KIF20B: variants seen among roughly 807,000 people sequenced by gnomAD.
KIF20B encodes the protein kinesin family member 20B, also known as kinesin-like protein KIF20B.
KIF20B carries 188 observed loss-of-function variants against 232.5 expected under a neutral mutation model. The ratio of observed to expected loss-of-function variants is 0.81; its 90% CI spans 0.72 to 0.91. The LOEUF is 0.91. Among genes scored for constraint, KIF20B ranks in the 40% least tolerant of loss-of-function variants. The probability of loss-of-function intolerance (pLI) is 0.00; values close to 1 mark genes in which losing one functional copy is unlikely to be tolerated. For synonymous variants in KIF20B, 712 were observed against 683.0 expected (o/e 1.04, Z -0.66); for missense variants, 2,154 against 2,055.9 (o/e 1.05, Z -0.92).
chr10:89,755,763 C>T (rs10881658), intron 26 of KIF20B, among the ~76,000 whole-genome samples: 46,457 of 151,508 alleles, frequency 0.31, 7,964 homozygotes, highest in African/African-American at 0.45. Context: ...CTAGGTAAAT[C>T]TTTTATTTTT....
chr10:89,723,806 G>T, intron 13 of KIF20B, 158 bp from the exon 14 acceptor site: 14 of 639,126 alleles, frequency 2.2e-5, no homozygotes, highest in East Asian at 7.8e-5. Flanking sequence ...ACAAATCTTT[G>T]CAAACATATA....
Position 89,760,597 on chromosome 10 carries a change from T to G in KIF20B, c.4752T>G (p.Pro1584=). 1 of 1,612,384 alleles carries G rather than the reference T, an allele frequency of 6.2e-7. No homozygotes were observed. Among genetic ancestry groups the G allele is most frequent in the South Asian group, 1.1e-5 (1 of 91,038 alleles). Residue 1584 remains proline, a synonymous_variant, in exon 28 of 33, where the codon CCT becomes CCG. Coordinates refer to ENST00000371728, the MANE Select transcript of KIF20B (RefSeq NM_001284259.2). Reference sequence around the variant, plus strand: ...ATCCTGACAAACTTCAAACTGAACCTCTATCGACAAGTTTTGAAATTTCCA... The same window carrying G: ...ATCCTGACAAACTTCAAACTGAACCGCTATCGACAAGTTTTGAAATTTCCA... ...SADPDKLQTE[P]LSTSFEISRN...
rs755841488 is a variant in KIF20B, at chr10:89,754,648, G to GT, written c.4485dup (p.Lys1496Ter). The GT allele has an allele frequency of 7.6e-6, 12 of 1,581,488 alleles. No homozygotes were observed. Among genetic ancestry groups the GT allele is most frequent in the Admixed American group, 5.5e-5 (3 of 54,274 alleles). On this transcript the variant is annotated frameshift_variant, in exon 26 of 33. Transcript: ENST00000371728. LOFTEE classifies it high-confidence loss of function. ...AAAAAATATGCTGAGGACAGGGAGC[G>GT]TTTTTTTAAGCAACAGAATGAAATG...
Position 89,726,320 on chromosome 10 carries a change from G to C in KIF20B, c.2029G>C (p.Asp677His). The part of the protein sequence containing the change: ...EETHNYVGFE[D>H]IIDSLQDNVA... ...AACACATAATTATGTAGGATTTGAA[G>C]ATATTATTGATTCTCTTCAAGATAA... The change falls in exon 16 of 33, where the codon GAT (aspartate) becomes CAT (histidine). Residue 677 changes from aspartate to histidine, a missense_variant. Physicochemically the swap from Asp to His is moderately conservative, Grantham distance 81. Transcript: ENST00000371728. 2.6e-6 allele frequency: 4 copies of C among 1,549,174 alleles called. No individual in the cohort carries two copies. The highest frequency in any genetic ancestry group is 2.6e-6 in the Non-Finnish European group (3 of 1,146,166).
At chr10:89,752,728 C>T in intron 25 of KIF20B, 37 bp downstream of exon 25, 2 of 1,404,690 alleles carry the variant, frequency 1.4e-6, no homozygotes, top group Non-Finnish European at 1.9e-6. Flanking sequence ...ATGAATGTAT[C>T]TGTCTTCATT....
rs149600159 is a variant in KIF20B, at chr10:89,751,095, T to G, written c.4097-251T>G. On this transcript the variant is annotated intron_variant, in intron 23 of 32. Transcript: ENST00000371728. ...ATTGTTAATTTTACCTGAAAAAACT[T>G]TTTTCCATTCATCCACTCTTGCAAT... Among the ~76,000 whole-genome samples the G allele has an allele frequency of 2.4e-4, 36 of 152,206 alleles. No homozygotes were observed. In the East Asian group the frequency reaches 6.9e-3, roughly 29 times the overall value.
At chr10:89,739,128 T>C (rs989184189) in intron 21 of KIF20B, 32 bp downstream of exon 21, 17 of 1,601,366 alleles carry the variant, frequency 1.1e-5, no homozygotes, top group Non-Finnish European at 1.4e-5. Flanking sequence ...GTGGCCAGTT[T>C]ATGATAAAGA....
At chr10:89,726,240 T>C in intron 15 of KIF20B, 53 bp from the exon 16 acceptor site, 2 of 1,463,368 alleles carry the variant, frequency 1.4e-6, no homozygotes, top group South Asian at 1.5e-5. Flanking sequence ...GTACCACATG[T>C]AAAGGGTGAA....
chr10:89,737,628 A>T lies in KIF20B; in HGVS notation c.2787A>T (p.Leu929Phe). The change falls in exon 20 of 33, where the codon TTA becomes TTT. Residue 929 changes from leucine to phenylalanine, a missense_variant. Coordinates refer to ENST00000371728, the MANE Select transcript of KIF20B (RefSeq NM_001284259.2). Reference sequence around the variant, plus strand: ...TTTCTGAAAAAAAGAATTTAACTTTAAGTAAAGAGGTCCAACAAATTCAGT... The same window carrying T: ...TTTCTGAAAAAAAGAATTTAACTTTTAGTAAAGAGGTCCAACAAATTCAGT... ...LSLSEKKNLT[L>F]SKEVQQIQSN... 1 of 1,608,320 alleles carries T rather than the reference A, an allele frequency of 6.2e-7. No homozygotes were observed. Among genetic ancestry groups the T allele is most frequent in the Non-Finnish European group, 8.5e-7 (1 of 1,176,904 alleles).
intron 26 of KIF20B, among the ~76,000 whole-genome samples, chr10:89,757,019 CTG>C (rs1491131516): frequency 4.4e-5 from 5 of 113,418 alleles, no homozygotes; most frequent in Non-Finnish European, 6.9e-5. Flanking sequence ...GCATATATCT[CTG>C]TTGTGTGTGT....
intron 22 of KIF20B, among the ~76,000 whole-genome samples, chr10:89,744,643 A>G (rs908216125): frequency 6.6e-6 from 1 of 152,192 alleles, no homozygotes; most frequent in African/African-American, 2.4e-5. Context: ...TTAAAAGGCA[A>G]AATCCCTTTA....
intron 2 of KIF20B, among the ~76,000 whole-genome samples, chr10:89,708,085 G>C (rs1037018733): frequency 2.0e-5 from 3 of 151,972 alleles, no homozygotes; most frequent in Non-Finnish European, 4.4e-5. Flanking sequence ...TCTTAATGTG[G>C]TATTTTGTTT....
intron 18 of KIF20B, among the ~76,000 whole-genome samples, chr10:89,730,952 T>C (rs1843304587): frequency 6.6e-6 from 1 of 152,130 alleles, no homozygotes; most frequent in South Asian, 2.1e-4. Flanking sequence ...AGCTAATAGT[T>C]GATGAGGACT....
At chr10:89,743,686 C>A in intron 21 of KIF20B, 122 bp from the exon 22 acceptor site, 1 of 566,588 alleles carries the variant, frequency 1.8e-6, no homozygotes, top group Non-Finnish European at 2.9e-6. Context: ...TAAAATCTGT[C>A]ATTTTTCTTT....
intron 7 of KIF20B, 132 bp from the exon 8 acceptor site, chr10:89,714,823 G>A: frequency 1.6e-6 from 1 of 612,808 alleles, no homozygotes; most frequent in Non-Finnish European, 2.8e-6. Context: ...GTTCCAAAAA[G>A]TTTTTAACAT....
chr10:89,774,903 T>C lies in KIF20B; in HGVS notation c.*855T>C, dbSNP rs1341575887. 2.0e-5 allele frequency: 3 copies of C among 152,018 alleles called. No individual in the cohort carries two copies. Among genetic ancestry groups the C allele is most frequent in the Non-Finnish European group, 4.4e-5 (3 of 67,940 alleles). The allele number at this position is 152,018 out of a possible 1,614,324, so 9.4% of individuals were successfully genotyped here. ...TGCCCATGAGGTCAATTGATTTTAT[T>C]TTTAGATCCCATAAATAAATGAGAA... On this transcript the variant is annotated 3_prime_UTR_variant, in exon 33 of 33. Coordinates refer to ENST00000371728, the MANE Select transcript of KIF20B (RefSeq NM_001284259.2).
In KIF20B at chr10:89,717,431, A is replaced by G. The variant is rs763478746; in HGVS notation, c.1060A>G (p.Ile354Val). The G allele has an allele frequency of 1.7e-5, 26 of 1,574,798 alleles. No individual in the cohort carries two copies. In the Admixed American group the frequency reaches 2.7e-4, roughly 16 times the overall value. Residue 354 changes from isoleucine to valine, a missense_variant, in exon 10 of 33, where the codon ATA becomes GTA. Transcript: ENST00000371728. Reference protein sequence around the residue: ...LNNASSRSHSIFTVKILQIED... With the variant: ...LNNASSRSHSVFTVKILQIED... ...TTGATCTTTGTATTTCAGTCACAGC[A>G]TATTCACTGTTAAAATATTACAGAT...
At chr10:89,741,522 G>A (rs1054968375) in intron 21 of KIF20B, among the ~76,000 whole-genome samples, 3 of 152,142 alleles carry the variant, frequency 2.0e-5, no homozygotes, top group African/African-American at 2.4e-5. Flanking sequence ...AATAATTATA[G>A]CAATTTAATC....
chr10:89,767,072 T>A (rs1308608922), intron 29 of KIF20B, among the ~76,000 whole-genome samples: 1 of 152,052 alleles, frequency 6.6e-6, no homozygotes, highest in Non-Finnish European at 1.5e-5. Context: ...GTAGAAACTT[T>A]AAATTTTCTA....
Sources: allele counts gnomAD v4.1 joint callset (sites outside exome capture counted in the v4.1 genomes callset), GRCh38; gene constraint gnomAD v4.1.1; transcripts MANE v1.5; gene names NCBI Gene and HGNC (gene_info 2026-07-23, HGNC 2026-07-21).